Variants in DHX30 observed in about 807,000 individuals in gnomAD.
DHX30 encodes the protein ATP-dependent RNA helicase DHX30.
DHX30 carries 4 observed loss-of-function variants against 116.9 expected under a neutral mutation model. The observed-to-expected ratio is 0.03, with a 90% CI of 0.02 to 0.08. DHX30 has a LOEUF of 0.08. Among genes scored for constraint, DHX30 ranks in the 10% least tolerant of loss-of-function variants. DHX30 has a pLI of 1.00. For synonymous variants in DHX30, 697 were observed against 651.7 expected, an observed-to-expected ratio of 1.07 and a Z score of -1.06; for missense variants, 871 against 1,595.1, an observed-to-expected ratio of 0.55 and a Z score of 7.73.
In DHX30 at chr3:47,840,020, G is replaced by A. The variant is rs1418378138; in HGVS notation, c.367-857G>A. 2.1e-5 allele frequency among the ~76,000 whole-genome samples: 3 copies of A among 144,530 alleles called. No individual in the cohort carries two copies. In the Admixed American group the frequency reaches 2.1e-4, roughly 10 times the overall value. 94.8% of individuals were successfully genotyped at this position (144,530 alleles called of 152,430 possible). A position where few individuals can be genotyped will look rare whatever the true frequency, so the allele number is the denominator to read the frequency against. On this transcript the variant is annotated intron_variant, in intron 6 of 21. Transcript: ENST00000445061. ...TTTCTTTTCTTTTTTTTTTTGAGAC[G>A]GAATCTTGCTCTGTCGCCCAGGTTG...
At chr3:47,823,669 T>TA (rs1387195516) in intron 4 of DHX30, among the ~76,000 whole-genome samples, 1 of 151,910 alleles carries the variant, frequency 6.6e-6, no homozygotes, top group Admixed American at 6.6e-5. Flanking sequence ...GCTGATTTTT[T>TA]TTTAACATAA....
rs750726722 is a variant in DHX30, at chr3:47,850,004, C to T, written c.3469C>T (p.Leu1157=). 42 of 1,611,564 alleles carry T rather than the reference C, an allele frequency of 2.6e-5. No individual in the cohort carries two copies. The East Asian group carries it at 9.4e-4, about 36-fold the overall frequency. The change falls in exon 22 of 22, where the codon CTG becomes TTG. Residue 1157 remains leucine (L), a synonymous_variant. Coordinates refer to ENST00000445061, the MANE Select transcript of DHX30 (RefSeq NM_138615.3). ...GGTGGAGCGGAGCCTGCGCAGCGAG[C>T]TGGCTGCACTTCCCCCCAGCGTACA... ...RMVERSLRSE[L]AALPPSVQEE... is the part of the protein sequence containing the mutation.
At chr3:47,834,744 G>C (rs1008895904) in intron 6 of DHX30, among the ~76,000 whole-genome samples, 5 of 152,160 alleles carry the variant, frequency 3.3e-5, no homozygotes, top group Admixed American at 1.3e-4. Context: ...ACAGGCATGA[G>C]CCACTGCACC....
chr3:47,817,030 A>T (rs1456633194), intron 3 of DHX30: 7 of 854,580 alleles, frequency 8.2e-6, no homozygotes, highest in Non-Finnish European at 9.8e-6. Context: ...GTCTTGTTTT[A>T]CTGATATCTT....
chr3:47,807,638 G>T (rs1012743899), intron 2 of DHX30, among the ~76,000 whole-genome samples: 2 of 148,976 alleles, frequency 1.3e-5, no homozygotes, highest in Admixed American at 1.4e-4. Context: ...CCGGGAGGTG[G>T]AGGTTGCAGT....
chr3:47,817,958 T>G (rs1342346060), intron 3 of DHX30, 64 bp from the exon 4 acceptor site: 2 of 780,470 alleles, frequency 2.6e-6, no homozygotes, highest in African/African-American at 3.4e-5. Context: ...AGTGAGTCAG[T>G]TCAGGGGTCT....
At position 47,849,686 on chromosome 3, in the gene DHX30, A is replaced by G. The variant is rs764706180; in HGVS notation, c.3248A>G (p.Asn1083Ser). 11 of 1,614,168 alleles carry G rather than the reference A, an allele frequency of 6.8e-6. No homozygotes were observed. Among genetic ancestry groups the G allele is most frequent in the South Asian group, 2.2e-5 (2 of 91,080 alleles). Residue 1083 changes from asparagine to serine, a missense_variant, in exon 21 of 22, where the codon AAT becomes AGT. Coordinates refer to ENST00000445061, the MANE Select transcript of DHX30 (RefSeq NM_138615.3). ...WLTYFMAVKSNGSVFVRDSSQ... is the reference protein window; with the variant it reads ...WLTYFMAVKSSGSVFVRDSSQ... ...ACGTATTTCATGGCAGTCAAGTCCA[A>G]TGGCAGCGTCTTCGTCCGGGACTCC...
At chr3:47,829,324 T>A (rs1472980392) in intron 6 of DHX30, among the ~76,000 whole-genome samples, 190 bp downstream of exon 6, 1 of 130,782 alleles carries the variant, frequency 7.6e-6, no homozygotes, top group Non-Finnish European at 1.6e-5. Flanking sequence ...ATTTTTTTTT[T>A]TTTTTTCCTG....
At chr3:47,803,981 A>G (rs989447745) in intron 1 of DHX30, among the ~76,000 whole-genome samples, 2 of 152,226 alleles carry the variant, frequency 1.3e-5, no homozygotes, top group Non-Finnish European at 2.9e-5. Context: ...GGTAGACTGC[A>G]GAAGGCCACT....
intron 8 of DHX30, 89 bp downstream of exon 8, chr3:47,841,826 G>C: frequency 6.9e-6 from 11 of 1,586,462 alleles, no homozygotes; most frequent in South Asian, 4.5e-5. Context: ...GAGGGCTGAG[G>C]GGGTGTGTTC....
chr3:47,812,559 A>C (rs1266489673), intron 3 of DHX30, among the ~76,000 whole-genome samples: 1 of 147,892 alleles, frequency 6.8e-6, no homozygotes, highest in East Asian at 2.0e-4. Flanking sequence ...ATCCATCTCA[A>C]AAAAAAAAAA....
At chr3:47,805,600 G>A (rs574255427) in intron 2 of DHX30, among the ~76,000 whole-genome samples, 180 bp downstream of exon 2, 16 of 152,216 alleles carry the variant, frequency 1.1e-4, no homozygotes, top group African/African-American at 2.4e-4. Flanking sequence ...GTGCAGTGGC[G>A]CGATCTTGGC....
At chr3:47,846,023 C>A in intron 10 of DHX30, 142 bp from the exon 11 acceptor site, 1 of 1,392,200 alleles carries the variant, frequency 7.2e-7, no homozygotes, top group Non-Finnish European at 9.7e-7. Context: ...ACAAGGATCC[C>A]GGGGCAGTCA....
At chr3:47,804,601 G>A (rs1161447708) in intron 1 of DHX30, among the ~76,000 whole-genome samples, 2 of 152,094 alleles carry the variant, frequency 1.3e-5, no homozygotes, top group Non-Finnish European at 2.9e-5. Context: ...ATTAGCTGTT[G>A]GACCTTTCTT....
At chr3:47,829,513 T>C (rs1364163585) in intron 6 of DHX30, among the ~76,000 whole-genome samples, 2 of 151,142 alleles carry the variant, frequency 1.3e-5, no homozygotes, top group African/African-American at 4.9e-5. Context: ...CTGGCTAATA[T>C]TTGTATTTTT....
chr3:47,807,849 C>T (rs545240937), intron 2 of DHX30, among the ~76,000 whole-genome samples: 23 of 151,584 alleles, frequency 1.5e-4, no homozygotes, highest in Non-Finnish European at 2.8e-4. Context: ...TTCACCTGGG[C>T]GTCCCAAAGT....
chr3:47,845,761 C>T lies in DHX30; in HGVS notation c.1001C>T (p.Ser334Phe). Residue 334 changes from serine (S) to phenylalanine (F), a missense_variant, in exon 10 of 22, where the codon TCT (serine) becomes TTT (phenylalanine). Transcript: ENST00000445061. ...PLTHAMYNLA[S>F]LRELGETQRR... ...ACACACGCCATGTATAACCTGGCCT[C>T]TTTGCGTGAGCTGGGTGAGACCCAG... 1 of 1,612,796 alleles carries T rather than the reference C, an allele frequency of 6.2e-7. No individual in the cohort carries two copies.
chr3:47,836,980 GC>G (rs1252596284), intron 6 of DHX30, among the ~76,000 whole-genome samples: 1 of 152,140 alleles, frequency 6.6e-6, no homozygotes, highest in Non-Finnish European at 1.5e-5. Flanking sequence ...GTCTTTTTCT[GC>G]ATTGCCCATA....
chr3:47,817,404 T>A (rs2036105117), intron 3 of DHX30, among the ~76,000 whole-genome samples: 1 of 152,256 alleles, frequency 6.6e-6, no homozygotes, highest in Non-Finnish European at 1.5e-5. Context: ...ACTTTCTGGT[T>A]ACTAATAAGT....
Sources: gnomAD v4.1 joint callset for allele counts (sites outside exome capture counted in the v4.1 genomes callset) on GRCh38, gnomAD v4.1.1 for gene constraint, MANE v1.5 for transcripts, NCBI Gene and HGNC (gene_info 2026-07-23, HGNC 2026-07-21) for gene names.